The following CA10 variants were observed in gnomAD, a reference collection of about 807,000 sequenced individuals.
The protein encoded by CA10 is carbonic anhydrase 10 (inactive).
In CA10, 14 loss-of-function variants were observed where a neutral mutation model predicts 44.2. The ratio of observed to expected loss-of-function variants is 0.32; its 90% CI spans 0.21 to 0.50. The LOEUF (loss-of-function observed/expected upper bound fraction) is 0.50. Among genes scored for constraint, CA10 ranks in the 20% least tolerant of loss-of-function variants. The probability of loss-of-function intolerance (pLI) is 0.99; values close to 1 mark genes in which losing one functional copy is unlikely to be tolerated. For synonymous variants in CA10, 159 were observed against 141.6 expected, an observed-to-expected ratio of 1.12 and a Z score of -0.87; for missense variants, 350 against 409.7, an observed-to-expected ratio of 0.85 and a Z score of 1.26.
intron 1 of CA10, among the ~76,000 whole-genome samples, chr17:52,100,747 A>G (rs531301857): frequency 6.6e-6 from 1 of 152,262 alleles, no homozygotes; most frequent in East Asian, 1.9e-4. Flanking sequence ...CCTCCAAGGA[A>G]CATCTCAAAT....
At chr17:51,965,833 C>G (rs1984059492) in intron 2 of CA10, among the ~76,000 whole-genome samples, 1 of 151,838 alleles carries the variant, frequency 6.6e-6, no homozygotes, top group Non-Finnish European at 1.5e-5. Flanking sequence ...TCTCACCACT[C>G]CTATTTAACA....
chr17:51,726,598 A>T (rs894812235), intron 4 of CA10, among the ~76,000 whole-genome samples: 3 of 152,214 alleles, frequency 2.0e-5, no homozygotes, highest in East Asian at 1.9e-4. Context: ...AAATATATAT[A>T]AAAAAATCTG....
chr17:51,919,164 A>C (rs1982124989), intron 3 of CA10, among the ~76,000 whole-genome samples: 1 of 152,112 alleles, frequency 6.6e-6, no homozygotes, highest in African/African-American at 2.4e-5. Flanking sequence ...TAGATATATT[A>C]TTATTTATTT....
At chr17:51,940,026 A>G (rs1033463966) in intron 2 of CA10, among the ~76,000 whole-genome samples, 6 of 152,066 alleles carry the variant, frequency 3.9e-5, no homozygotes, top group Non-Finnish European at 5.9e-5. Context: ...TTATTGTTAT[A>G]CTTTTTACAA....
At chr17:51,755,176 G>A (rs956550192) in intron 3 of CA10, among the ~76,000 whole-genome samples, 1 of 152,158 alleles carries the variant, frequency 6.6e-6, no homozygotes, top group Non-Finnish European at 1.5e-5. Flanking sequence ...TAAAGAACAA[G>A]GCAGGTTTAT....
intron 3 of CA10, among the ~76,000 whole-genome samples, chr17:51,901,051 A>C (rs1981291759): frequency 1.3e-5 from 2 of 152,154 alleles, no homozygotes; most frequent in South Asian, 4.1e-4. Flanking sequence ...ACTGCTGGAG[A>C]ACCAGTGCAG....
intron 3 of CA10, among the ~76,000 whole-genome samples, chr17:51,874,673 TTC>T (rs1466520473): frequency 6.6e-6 from 1 of 152,206 alleles, no homozygotes; most frequent in Non-Finnish European, 1.5e-5. Flanking sequence ...CTTGTTTTGT[TTC>T]TGATACCTCA....
At chr17:51,689,232 C>T (rs981459386) in intron 4 of CA10, among the ~76,000 whole-genome samples, 2 of 152,144 alleles carry the variant, frequency 1.3e-5, no homozygotes, top group African/African-American at 2.4e-5. Flanking sequence ...ATATAAAATA[C>T]TATGCTGAGA....
intron 1 of CA10, among the ~76,000 whole-genome samples, chr17:52,089,249 A>T (rs1258003523): frequency 6.6e-6 from 1 of 152,186 alleles, no homozygotes; most frequent in Non-Finnish European, 1.5e-5. Flanking sequence ...CTATGTGTAC[A>T]CTTACTATGG....
intron 3 of CA10, among the ~76,000 whole-genome samples, chr17:51,855,399 A>G (rs1239364482): frequency 6.6e-6 from 1 of 152,226 alleles, no homozygotes; most frequent in Admixed American, 6.5e-5. Context: ...GTTGAGAATT[A>G]AACTATCACA....
At chr17:52,082,423 T>C (rs17669852) in intron 1 of CA10, among the ~76,000 whole-genome samples, 67,661 of 151,970 alleles carry the variant, frequency 0.45, 15,490 homozygotes, top group Non-Finnish European at 0.5. Flanking sequence ...ACGTCTTGTT[T>C]TTTCATTCTT....
intron 3 of CA10, among the ~76,000 whole-genome samples, chr17:51,811,895 C>G (rs1253462636): frequency 6.6e-6 from 1 of 152,222 alleles, no homozygotes; most frequent in Admixed American, 6.5e-5. Context: ...CATTTCCTGA[C>G]AGCACACAGT....
chr17:51,720,458 A>G (rs936223696), intron 4 of CA10, among the ~76,000 whole-genome samples: 2 of 152,208 alleles, frequency 1.3e-5, no homozygotes, highest in African/African-American at 2.4e-5. Flanking sequence ...GAGGGTTGAA[A>G]CTTCAGTCCC....
chr17:51,875,651 A>T (rs558803945), intron 3 of CA10, among the ~76,000 whole-genome samples: 1 of 152,194 alleles, frequency 6.6e-6, no homozygotes, highest in East Asian at 1.9e-4. Context: ...AATTTTTTCA[A>T]CTTAAAAAGT....
At chr17:52,047,864 T>C (rs981523201) in intron 2 of CA10, among the ~76,000 whole-genome samples, 1 of 151,924 alleles carries the variant, frequency 6.6e-6, no homozygotes, top group Admixed American at 6.6e-5. Context: ...AATAACTCTT[T>C]CCAACTTAAA....
At chr17:52,036,416 A>T (rs1284469226) in intron 2 of CA10, among the ~76,000 whole-genome samples, 1 of 152,196 alleles carries the variant, frequency 6.6e-6, no homozygotes, top group East Asian at 1.9e-4. Flanking sequence ...GAAATGAGAT[A>T]ATAGATGATA....
chr17:51,687,515 C>G (rs1008470704), intron 4 of CA10, among the ~76,000 whole-genome samples: 1 of 152,070 alleles, frequency 6.6e-6, no homozygotes, highest in African/African-American at 2.4e-5. Context: ...TGAATGAATT[C>G]TATCAATGAA....
chr17:51,977,553 T>G (rs1984506183), intron 2 of CA10, among the ~76,000 whole-genome samples: 1 of 152,070 alleles, frequency 6.6e-6, no homozygotes, highest in Non-Finnish European at 1.5e-5. Context: ...ACTAATACAA[T>G]GTATCTGCTA....
chr17:51,886,333 G>A (rs1309246153), intron 3 of CA10, among the ~76,000 whole-genome samples: 3 of 152,158 alleles, frequency 2.0e-5, no homozygotes, highest in African/African-American at 7.2e-5. Flanking sequence ...ATTGAAAAGT[G>A]CAATTGATCT....
Sources: allele counts gnomAD v4.1 joint callset (sites outside exome capture counted in the v4.1 genomes callset), GRCh38; gene constraint gnomAD v4.1.1; transcripts MANE v1.5; gene names NCBI Gene and HGNC (gene_info 2026-07-23, HGNC 2026-07-21).